AHI1: variants seen among roughly 807,000 people sequenced by gnomAD.
AHI1 encodes the protein jouberin.
A neutral mutation model predicts 149.3 loss-of-function variants in AHI1; 123 were observed. The ratio of observed to expected loss-of-function variants is 0.82; its 90% CI spans 0.71 to 0.96. The LOEUF (loss-of-function observed/expected upper bound fraction) is 0.96, where lower values mean the gene tolerates loss of function less well. AHI1 is among the 40% of genes least tolerant of loss of function. The pLI is 0.00. For synonymous variants in AHI1, 475 were observed against 459.8 expected (o/e 1.03, Z -0.42); for missense variants, 1,439 against 1,422.7 (o/e 1.01, Z -0.18).
intron 10 of AHI1, among the ~76,000 whole-genome samples, chr6:135,454,220 G>A (rs148205630): frequency 1.7e-4 from 26 of 152,138 alleles, no homozygotes; most frequent in Middle Eastern, 6.8e-3. Flanking sequence ...TTAACATCTA[G>A]TTTGCAGGCC....
intron 13 of AHI1, among the ~76,000 whole-genome samples, chr6:135,446,751 C>G (rs1003644585): frequency 6.6e-6 from 1 of 152,180 alleles, no homozygotes; most frequent in African/African-American, 2.4e-5. Flanking sequence ...GCCACCCAGT[C>G]AGTGGTATTT....
intron 24 of AHI1, among the ~76,000 whole-genome samples, chr6:135,331,368 A>G (rs747138677): frequency 6.6e-6 from 1 of 152,202 alleles, no homozygotes; most frequent in Non-Finnish European, 1.5e-5. Context: ...CTTGGTCATA[A>G]TCATGGTCTC....
chr6:135,475,409 G>T (rs1221364764), intron 5 of AHI1, among the ~76,000 whole-genome samples: 3 of 152,224 alleles, frequency 2.0e-5, no homozygotes, highest in African/African-American at 7.2e-5. Context: ...TCCTTGAAAT[G>T]TTGTGCTTGA....
At chr6:135,365,631 A>T (rs1219130002) in intron 23 of AHI1, among the ~76,000 whole-genome samples, 4 of 152,228 alleles carry the variant, frequency 2.6e-5, no homozygotes, top group Admixed American at 6.5e-5. Context: ...GTTGCTATTT[A>T]GCAGTGCTAC....
At chr6:135,495,483 A>G (rs1795835791) in intron 3 of AHI1, 1 of 152,220 alleles carries the variant, frequency 6.6e-6, no homozygotes, top group South Asian at 2.1e-4. Flanking sequence ...TCTCTCTAAC[A>G]AACTCCTCAC....
chr6:135,339,924 T>C (rs553668944), intron 24 of AHI1, among the ~76,000 whole-genome samples: 4 of 152,220 alleles, frequency 2.6e-5, no homozygotes, highest in African/African-American at 7.2e-5. Flanking sequence ...AAAAAACTCA[T>C]CACACAGAAG....
At chr6:135,293,406 G>GAAAAAAA (rs71547029) in intron 27 of AHI1, among the ~76,000 whole-genome samples, 46 of 65,572 alleles carry the variant, frequency 7.0e-4, no homozygotes, top group African/African-American at 1.7e-3. Context: ...AAAAAAAAAA[G>GAAAAAAA]AAAAAAAAAA....
chr6:135,299,502 A>C (rs1013321022), intron 27 of AHI1, among the ~76,000 whole-genome samples: 1 of 152,218 alleles, frequency 6.6e-6, no homozygotes, highest in Non-Finnish European at 1.5e-5. Flanking sequence ...AGGGTATGAT[A>C]GCTAAGCTGT....
chr6:135,323,471 T>C, intron 24 of AHI1, 147 bp from the exon 25 acceptor site: 1 of 690,544 alleles, frequency 1.4e-6, no homozygotes, highest in Non-Finnish European at 2.3e-6. Flanking sequence ...GCTAATGGGA[T>C]GAGGGGTGGT....
At chr6:135,388,198 C>T (rs976026901) in intron 23 of AHI1, among the ~76,000 whole-genome samples, 7 of 152,084 alleles carry the variant, frequency 4.6e-5, no homozygotes, top group Non-Finnish European at 1.5e-5. Flanking sequence ...CCTATTGTAC[C>T]ACCTGAAACA....
At chr6:135,387,685 A>C (rs1439180617) in intron 23 of AHI1, 8 of 814,846 alleles carry the variant, frequency 9.8e-6, no homozygotes, top group Non-Finnish European at 1.2e-5. Context: ...TCACTTAACA[A>C]ATTTTATTAA....
chr6:135,448,601 A>T (rs1242761841), intron 11 of AHI1, 126 bp from the exon 12 acceptor site: 2 of 741,326 alleles, frequency 2.7e-6, no homozygotes, highest in African/African-American at 3.5e-5. Flanking sequence ...CTTAGTTTTA[A>T]AAAGCAAAGA....
chr6:135,394,998 T>A, intron 22 of AHI1, 102 bp from the exon 23 acceptor site: 1 of 1,224,958 alleles, frequency 8.2e-7, no homozygotes, highest in Non-Finnish European at 1.1e-6. Flanking sequence ...CCAGGACACA[T>A]GATAGGTCAA....
chr6:135,302,921 T>C (rs1178946934), intron 26 of AHI1: 3 of 735,414 alleles, frequency 4.1e-6, no homozygotes, highest in Non-Finnish European at 5.7e-6. Flanking sequence ...CCACACACAC[T>C]TGTTAGAAAG....
intron 5 of AHI1, among the ~76,000 whole-genome samples, chr6:135,489,219 A>C (rs973847691): frequency 9.2e-5 from 14 of 152,174 alleles, no homozygotes; most frequent in African/African-American, 3.1e-4. Flanking sequence ...GAAAGAAAAG[A>C]AGCCTATTCA....
At chr6:135,402,963 T>C (rs1465010297) in intron 22 of AHI1, among the ~76,000 whole-genome samples, 2 of 152,190 alleles carry the variant, frequency 1.3e-5, no homozygotes, top group African/African-American at 4.8e-5. Context: ...CTAATCCCTG[T>C]GTTGTTCACT....
intron 25 of AHI1, among the ~76,000 whole-genome samples, chr6:135,319,177 G>A (rs576576679): frequency 6.6e-6 from 1 of 152,338 alleles, no homozygotes; most frequent in Admixed American, 6.5e-5. Flanking sequence ...TTACCAGTCA[G>A]AGGTACGCAG....
At position 135,394,765 on chromosome 6, in the gene AHI1, A is replaced by T; in HGVS notation, c.3109+11T>A. 6.2e-7 allele frequency: 1 copy of T among 1,609,896 alleles called. No individual in the cohort carries two copies. The highest frequency in any genetic ancestry group is 1.1e-5 in the South Asian group (1 of 90,292). On this transcript the variant is annotated intron_variant, in intron 23 of 28. Transcript: ENST00000265602. ...ATTTAAAAGAATTGTCAAAGTAAGA[A>T]AGGGGCTCACCGGTCTGAGTGAAAC...
At chr6:135,487,822 G>A (rs1377400982) in intron 5 of AHI1, among the ~76,000 whole-genome samples, 1 of 151,814 alleles carries the variant, frequency 6.6e-6, no homozygotes, top group African/African-American at 2.4e-5. Flanking sequence ...CTTCCTCTAA[G>A]ATCTTAAGAT....
Sources: gnomAD v4.1 joint callset for allele counts (sites outside exome capture counted in the v4.1 genomes callset) on GRCh38, gnomAD v4.1.1 for gene constraint, MANE v1.5 for transcripts, NCBI Gene and HGNC (gene_info 2026-07-23, HGNC 2026-07-21) for gene names.